SUFU: variants seen among roughly 807,000 people sequenced by gnomAD.
SUFU encodes suppressor of fused homolog.
A neutral mutation model predicts 58.9 loss-of-function variants in SUFU; 7 were observed. That is an observed-to-expected ratio of 0.12 (90% CI 0.07 to 0.22). SUFU has a LOEUF of 0.22. SUFU is among the 10% of genes least tolerant of loss of function. The pLI is 1.00. For missense variants in SUFU, 451 were observed against 641.3 expected, an observed-to-expected ratio of 0.70 and a Z score of 3.20; for synonymous variants, 232 against 254.8, an observed-to-expected ratio of 0.91 and a Z score of 0.85.
intron 2 of SUFU, among the ~76,000 whole-genome samples, chr10:102,527,206 G>C (rs1285521245): frequency 6.6e-6 from 1 of 151,868 alleles, no homozygotes; most frequent in Non-Finnish European, 1.5e-5. Context: ...GTTTCACCGT[G>C]TTAGCCAGGA....
intron 2 of SUFU, among the ~76,000 whole-genome samples, chr10:102,530,888 A>T (rs932954748): frequency 2.0e-5 from 3 of 152,090 alleles, no homozygotes; most frequent in African/African-American, 7.2e-5. Context: ...CAAATAGAGG[A>T]CTATATATGG....
At chr10:102,510,785 T>G (rs1021787581) in intron 2 of SUFU, among the ~76,000 whole-genome samples, 1 of 152,046 alleles carries the variant, frequency 6.6e-6, no homozygotes, top group African/African-American at 2.4e-5. Context: ...ATCGTGCCAC[T>G]GTGCTCCAGC....
At chr10:102,624,987 G>C (rs181061168) in intron 10 of SUFU, among the ~76,000 whole-genome samples, 1 of 152,290 alleles carries the variant, frequency 6.6e-6, no homozygotes, top group East Asian at 1.9e-4. Context: ...GCCCAGACTG[G>C]AGCCATTGTA....
At chr10:102,589,123 T>G (rs1435952593) in intron 3 of SUFU, among the ~76,000 whole-genome samples, 1 of 152,030 alleles carries the variant, frequency 6.6e-6, no homozygotes, top group African/African-American at 2.4e-5. Context: ...ATGGGTGTTC[T>G]TGCTCTGTTG....
chr10:102,571,916 A>G (rs2063165791), intron 3 of SUFU, among the ~76,000 whole-genome samples: 1 of 152,140 alleles, frequency 6.6e-6, no homozygotes, highest in South Asian at 2.1e-4. Flanking sequence ...AAGTTCCGTC[A>G]GGTTGTTGAC....
At chr10:102,530,786 A>G (rs532339661) in intron 2 of SUFU, among the ~76,000 whole-genome samples, 3 of 152,120 alleles carry the variant, frequency 2.0e-5, no homozygotes, top group African/African-American at 7.2e-5. Context: ...GAAATAACCC[A>G]AATATGGGAA....
intron 3 of SUFU, among the ~76,000 whole-genome samples, chr10:102,589,524 C>T (rs2063373865): frequency 7.3e-6 from 1 of 136,324 alleles, no homozygotes; most frequent in African/African-American, 2.7e-5. Flanking sequence ...CGGCTCACTG[C>T]AACCTCTGCC....
intron 8 of SUFU, among the ~76,000 whole-genome samples, chr10:102,610,454 G>A (rs1354652699): frequency 1.3e-5 from 2 of 151,620 alleles, no homozygotes; most frequent in Non-Finnish European, 2.9e-5. Context: ...AGGAAGTGCT[G>A]TAGACCTTAT....
intron 3 of SUFU, among the ~76,000 whole-genome samples, chr10:102,563,645 A>C (rs1384212832): frequency 6.6e-6 from 1 of 151,994 alleles, no homozygotes; most frequent in African/African-American, 2.4e-5. Flanking sequence ...GCAGTGAGCC[A>C]GGATCATGCC....
chr10:102,590,201 T>A (rs1355776241), intron 3 of SUFU, among the ~76,000 whole-genome samples: 1 of 135,542 alleles, frequency 7.4e-6, no homozygotes, highest in Non-Finnish European at 1.5e-5. Context: ...AGTCTCACAC[T>A]GTCACCCAGG....
In SUFU at chr10:102,534,966, C is replaced by T. The variant is rs7896857; in HGVS notation, c.318-15004C>T. Among the ~76,000 whole-genome samples the T allele has an allele frequency of 4.3e-3, 660 of 152,226 alleles. 7 individuals carry two copies. The highest frequency in any genetic ancestry group is 0.015 in the African/African-American group (628 of 41,518). On this transcript the variant is annotated intron_variant, in intron 2 of 11. Coordinates refer to ENST00000369902, the MANE Select transcript of SUFU (RefSeq NM_016169.4). ...GAGGGAGGCCACTGAAGGAAAAGGT[C>T]TGCAGGTCTATACCACCCATGCCCA...
intron 2 of SUFU, among the ~76,000 whole-genome samples, chr10:102,520,217 T>C (rs865800910): frequency 1.3e-3 from 92 of 71,204 alleles, no homozygotes; most frequent in South Asian, 0.011. Context: ...TCTTTCTTTT[T>C]TTTTTTTTTT....
At chr10:102,519,202 G>A (rs918226011) in intron 2 of SUFU, among the ~76,000 whole-genome samples, 1 of 150,538 alleles carries the variant, frequency 6.6e-6, no homozygotes, top group Non-Finnish European at 1.5e-5. Context: ...TGGGACAGCA[G>A]GTGACAGGTG....
chr10:102,537,974 A>C (rs1208144340), intron 2 of SUFU, among the ~76,000 whole-genome samples: 1 of 152,222 alleles, frequency 6.6e-6, no homozygotes, highest in Non-Finnish European at 1.5e-5. Context: ...AGGAACCGCC[A>C]TACTGTTTTC....
rs1177362404 is a variant in SUFU, at chr10:102,583,739, G to T, written c.455-8843G>T. Reference sequence around the variant, plus strand: ...TTTTAATTGTACTTTAAGTTTTAGGGTACATGTGCACAACGTGCAGGTTTG... The same window carrying T: ...TTTTAATTGTACTTTAAGTTTTAGGTTACATGTGCACAACGTGCAGGTTTG... On this transcript the variant is annotated intron_variant, in intron 3 of 11. Coordinates refer to ENST00000369902, the MANE Select transcript of SUFU (RefSeq NM_016169.4). 2.0e-5 allele frequency among the ~76,000 whole-genome samples: 3 copies of T among 151,750 alleles called. No individual in the cohort carries two copies. The East Asian group carries it at 5.8e-4, about 29-fold the overall frequency.
intron 3 of SUFU, among the ~76,000 whole-genome samples, chr10:102,551,572 A>G (rs1055608249): frequency 6.6e-6 from 1 of 151,482 alleles, no homozygotes; most frequent in Non-Finnish European, 1.5e-5. Context: ...CGGGAGGCAG[A>G]TGTTACTGTG....
intron 2 of SUFU, among the ~76,000 whole-genome samples, chr10:102,518,441 G>A (rs978828089): frequency 1.3e-5 from 2 of 152,166 alleles, no homozygotes; most frequent in Admixed American, 1.3e-4. Context: ...AGACTGAGTA[G>A]AGTTAACCAG....
At chr10:102,603,303 A>C (rs2063531379) in intron 8 of SUFU, among the ~76,000 whole-genome samples, 1 of 152,102 alleles carries the variant, frequency 6.6e-6, no homozygotes, top group African/African-American at 2.4e-5. Flanking sequence ...CTGGGACTAC[A>C]GGCATGAGCC....
intron 9 of SUFU, among the ~76,000 whole-genome samples, chr10:102,615,611 CA>C (rs902589650): frequency 3.9e-5 from 6 of 152,192 alleles, no homozygotes; most frequent in African/African-American, 1.4e-4. Flanking sequence ...GGCTGGGTCT[CA>C]GGGAGGGAGG....
Sources: gnomAD v4.1 joint callset for allele counts (sites outside exome capture counted in the v4.1 genomes callset) on GRCh38, gnomAD v4.1.1 for gene constraint, MANE v1.5 for transcripts, NCBI Gene and HGNC (gene_info 2026-07-23, HGNC 2026-07-21) for gene names.